GLT1D1: variants seen among roughly 807,000 people sequenced by gnomAD.
The protein encoded by GLT1D1 is glycosyltransferase 1 domain containing 1.
In GLT1D1, 21 loss-of-function variants were observed where a neutral mutation model predicts 28.7. That is an observed-to-expected ratio of 0.73 (90% CI 0.52 to 1.05). The LOEUF (loss-of-function observed/expected upper bound fraction) is 1.05. Ranked by LOEUF, GLT1D1 falls within the 50% of genes least tolerant of loss-of-function variation. The pLI is 0.00. For synonymous variants in GLT1D1, 147 were observed against 124.8 expected, an observed-to-expected ratio of 1.18 and a Z score of -1.19; for missense variants, 343 against 330.6, an observed-to-expected ratio of 1.04 and a Z score of -0.29.
chr12:128,855,241 A>AAC (rs1555257592), intron 1 of GLT1D1, among the ~76,000 whole-genome samples: 5 of 139,656 alleles, frequency 3.6e-5, no homozygotes, highest in African/African-American at 1.4e-4. Context: ...AAAAAAAAAA[A>AAC]AACAACAACA....
chr12:128,906,013 T>C (rs547785789), intron 4 of GLT1D1, among the ~76,000 whole-genome samples: 7,356 of 151,894 alleles, frequency 0.048, 561 homozygotes, highest in African/African-American at 0.17. Context: ...TTTGACTTTT[T>C]TTTTTTTGTG....
intron 3 of GLT1D1, among the ~76,000 whole-genome samples, chr12:128,891,126 A>T (rs1869008194): frequency 6.6e-6 from 1 of 151,660 alleles, no homozygotes. Flanking sequence ...AAATTTAATT[A>T]ATTAAAAAAA....
intron 1 of GLT1D1, 66 bp from the exon 2 acceptor site, chr12:128,875,848 G>T: frequency 1.5e-6 from 2 of 1,377,652 alleles, no homozygotes; most frequent in South Asian, 2.6e-5. Context: ...CTTAACTGTA[G>T]CAGCAACCTG....
At chr12:128,960,195 A>G (rs962324675) in intron 7 of GLT1D1, among the ~76,000 whole-genome samples, 2 of 152,172 alleles carry the variant, frequency 1.3e-5, no homozygotes, top group Non-Finnish European at 2.9e-5. Flanking sequence ...TGTTAAAAAA[A>G]ATAGAACTCT....
chr12:128,865,855 A>G (rs1956499527), intron 1 of GLT1D1, among the ~76,000 whole-genome samples: 1 of 151,990 alleles, frequency 6.6e-6, no homozygotes, highest in Non-Finnish European at 1.5e-5. Flanking sequence ...AAAAACCCAA[A>G]AAACCAAAAA....
At chr12:128,964,860 G>A (rs894830266) in intron 7 of GLT1D1, among the ~76,000 whole-genome samples, 4 of 152,200 alleles carry the variant, frequency 2.6e-5, no homozygotes, top group Non-Finnish European at 5.9e-5. Flanking sequence ...GCAGGGAAAG[G>A]CATTCACAGT....
intron 4 of GLT1D1, among the ~76,000 whole-genome samples, chr12:128,929,884 G>A (rs938005403): frequency 1.3e-5 from 2 of 152,322 alleles, no homozygotes; most frequent in Admixed American, 1.3e-4. Flanking sequence ...GCTGAGGCAC[G>A]AGAATCACTT....
Position 128,973,919 on chromosome 12 carries a change from G to T in GLT1D1, c.640-9010G>T, listed in dbSNP as rs76968788. 9.8e-3 allele frequency among the ~76,000 whole-genome samples: 985 copies of T among 101,008 alleles called. 14 individuals are homozygous for T. The highest frequency in any genetic ancestry group is 0.031 in the African/African-American group (900 of 28,722). 66.3% of individuals were successfully genotyped at this position (101,008 alleles called of 152,430 possible). A position where few individuals can be genotyped will look rare whatever the true frequency, so the allele number is the denominator to read the frequency against. On this transcript the variant is annotated intron_variant, in intron 7 of 7. Transcript: ENST00000281703. The stretch of plus-strand genomic sequence containing the variant: ...GTGTGTGTAGGGGGTGTGTGTAGGG[G>T]GTGTGTGTGTGTGTGTAGGGTGTGT...
At chr12:128,894,915 T>A (rs1280443378) in intron 3 of GLT1D1, among the ~76,000 whole-genome samples, 1 of 151,156 alleles carries the variant, frequency 6.6e-6, no homozygotes, top group Non-Finnish European at 1.5e-5. Flanking sequence ...TCATAGATAT[T>A]TATTTTATTT....
At chr12:128,976,393 C>T (rs1257091275) in intron 7 of GLT1D1, among the ~76,000 whole-genome samples, 3 of 152,152 alleles carry the variant, frequency 2.0e-5, no homozygotes, top group African/African-American at 7.2e-5. Flanking sequence ...GAGAGTCTTA[C>T]AGCAAGGTTT....
chr12:128,982,805 T>A, intron 7 of GLT1D1, 124 bp from the exon 12 acceptor site: 2 of 750,414 alleles, frequency 2.7e-6, no homozygotes, highest in Non-Finnish European at 4.5e-6. Context: ...AAAGTCACTC[T>A]CTCCAGGCCC....
At chr12:128,975,255 G>A (rs1057292534) in intron 7 of GLT1D1, among the ~76,000 whole-genome samples, 21 of 152,100 alleles carry the variant, frequency 1.4e-4, no homozygotes, top group African/African-American at 4.3e-4. Flanking sequence ...TCAGACTCAG[G>A]CATCATGACT....
intron 1 of GLT1D1, among the ~76,000 whole-genome samples, chr12:128,863,290 C>T (rs11059984): frequency 0.016 from 2,386 of 152,292 alleles, 148 homozygotes; most frequent in Admixed American, 0.1. Flanking sequence ...CTCTGTGCAG[C>T]CTTCTTTCCT....
chr12:128,912,491 G>A, intron 4 of GLT1D1, 31 bp downstream of exon 5: 1 of 1,248,630 alleles, frequency 8.0e-7, no homozygotes, highest in South Asian at 1.3e-5. Context: ...ATTTACTTAT[G>A]TACAGGGATA....
At chr12:128,969,408 C>G (rs1251127485) in intron 7 of GLT1D1, among the ~76,000 whole-genome samples, 3 of 152,152 alleles carry the variant, frequency 2.0e-5, no homozygotes, top group African/African-American at 7.2e-5. Context: ...ATTTCTGAGC[C>G]CCACCCTGGG....
At chr12:128,874,631 G>A (rs1239023243) in intron 1 of GLT1D1, among the ~76,000 whole-genome samples, 4 of 151,828 alleles carry the variant, frequency 2.6e-5, no homozygotes, top group Non-Finnish European at 5.9e-5. Context: ...ACAGGTATGT[G>A]TCACCATGCC....
intron 4 of GLT1D1, among the ~76,000 whole-genome samples, chr12:128,936,989 C>T (rs979741327): frequency 6.6e-6 from 1 of 152,128 alleles, no homozygotes; most frequent in African/African-American, 2.4e-5. Flanking sequence ...TTTTTAGTTT[C>T]AACTTGAAAG....
intron 4 of GLT1D1, 26 bp from the exon 8 acceptor site, chr12:128,927,079 T>C: frequency 1.3e-6 from 2 of 1,529,892 alleles, no homozygotes; most frequent in Non-Finnish European, 1.8e-6. Context: ...TTGAAGTGTT[T>C]TTTTGTCTTC....
At position 128,982,910 on chromosome 12, in the gene GLT1D1, TCTC is replaced by T. The variant is rs780207577; in HGVS notation, c.640-16_640-14del. On this transcript the variant is annotated splice_polypyrimidine_tract_variant and intron_variant, in intron 7 of 7. Coordinates refer to ENST00000281703, the MANE Select transcript of GLT1D1 (RefSeq NM_144669.3). ...CCTTCATCAGTGATTTATGTCTACT[TCTC>T]CTTCCTTTTTTGCAGGAGTTTGTTC... is the stretch of plus-strand genomic sequence containing the variant. 56 of 1,612,892 alleles carry T rather than the reference TCTC, an allele frequency of 3.5e-5. No homozygotes were observed. Among genetic ancestry groups the T allele is most frequent in the Non-Finnish European group, 4.7e-5 (56 of 1,179,016 alleles).
Sources: gnomAD v4.1 joint callset for allele counts (sites outside exome capture counted in the v4.1 genomes callset) on GRCh38, gnomAD v4.1.1 for gene constraint, MANE v1.5 for transcripts, NCBI Gene and HGNC (gene_info 2026-07-23, HGNC 2026-07-21) for gene names.